Variants in GRIN3A observed in about 807,000 individuals in gnomAD.
The protein encoded by GRIN3A is glutamate receptor ionotropic, NMDA 3A.
A neutral mutation model predicts 92.4 loss-of-function variants in GRIN3A; 47 were observed. That is an observed-to-expected ratio of 0.51 (90% CI 0.40 to 0.65). GRIN3A has a LOEUF of 0.65. Ranked by LOEUF, GRIN3A falls within the 30% of genes least tolerant of loss-of-function variation. GRIN3A has a pLI of 0.00. For synonymous variants in GRIN3A, 527 were observed against 540.6 expected (o/e 0.97, Z 0.35); for missense variants, 1,324 against 1,393.1 (o/e 0.95, Z 0.79).
chr9:101,686,393 A>T (rs1224620585), intron 2 of GRIN3A, among the ~76,000 whole-genome samples: 5 of 152,212 alleles, frequency 3.3e-5, no homozygotes. Flanking sequence ...CTCCCACTAT[A>T]CCATGTACTT....
chr9:101,737,817 A>T lies in GRIN3A; in HGVS notation c.163T>A (p.Leu55Met). Residue 55 changes from leucine to methionine, a missense_variant, in exon 1 of 9, where the codon TTG (leucine) becomes ATG (methionine). By Grantham distance (15) the Leu-to-Met change is conservative (BLOSUM62 2). Coordinates refer to ENST00000361820, the MANE Select transcript of GRIN3A (RefSeq NM_133445.3). Reference protein sequence around the residue: ...GHAVRVGAVHLQPWTTAPRAA... With the variant: ...GHAVRVGAVHMQPWTTAPRAA... ...CGGGGGGCGGTGGTCCAGGGCTGCA[A>T]GTGCACCGCGCCCACCCTCACCGCG... is the stretch of plus-strand genomic sequence containing the variant. 6.5e-7 allele frequency: 1 copy of T among 1,532,070 alleles called. No individual in the cohort carries two copies. The allele number at this position is 1,532,070 out of a possible 1,614,324, so 94.9% of individuals were successfully genotyped here. A position where few individuals can be genotyped will look rare whatever the true frequency, so the allele number is the denominator to read the frequency against.
intron 1 of GRIN3A, among the ~76,000 whole-genome samples, chr9:101,696,628 A>T (rs1486959319): frequency 2.0e-5 from 3 of 152,208 alleles, no homozygotes; most frequent in African/African-American, 7.2e-5. Context: ...ATTGTTACAG[A>T]CATTCACTGT....
intron 1 of GRIN3A, among the ~76,000 whole-genome samples, chr9:101,711,740 A>C (rs2119015619): frequency 6.6e-6 from 1 of 152,248 alleles, no homozygotes; most frequent in African/African-American, 2.4e-5. Context: ...ACTGGAGATA[A>C]TTGATAGCGA....
chr9:101,664,109 C>A lies in GRIN3A; in HGVS notation c.2352+5951G>T, dbSNP rs73658578. On this transcript the variant is annotated intron_variant, in intron 3 of 8. Coordinates refer to ENST00000361820, the MANE Select transcript of GRIN3A (RefSeq NM_133445.3). Reference sequence around the variant, plus strand: ...GAACATATGCCAATGGCTGAAATGTCCTGTGAGTGCCCAGATCCACTCCTT... The same window carrying A: ...GAACATATGCCAATGGCTGAAATGTACTGTGAGTGCCCAGATCCACTCCTT... Among the ~76,000 whole-genome samples, 681 of 151,950 alleles carry A rather than the reference C, an allele frequency of 4.5e-3. 3 individuals are homozygous for A. The highest frequency in any genetic ancestry group is 0.015 in the African/African-American group (624 of 41,498).
chr9:101,694,749 G>C (rs1465119147), intron 1 of GRIN3A, among the ~76,000 whole-genome samples: 2 of 152,160 alleles, frequency 1.3e-5, no homozygotes, highest in Admixed American at 1.3e-4. Flanking sequence ...CATGGCTACA[G>C]AAGATATTTA....
At chr9:101,629,590 G>A (rs1168178172) in intron 3 of GRIN3A, among the ~76,000 whole-genome samples, 1 of 152,126 alleles carries the variant, frequency 6.6e-6, no homozygotes, top group African/African-American at 2.4e-5. Context: ...CTTGCTCTAA[G>A]TTTAATGTAA....
intron 1 of GRIN3A, among the ~76,000 whole-genome samples, chr9:101,712,786 A>G (rs1017941313): frequency 2.0e-5 from 3 of 152,238 alleles, no homozygotes; most frequent in Non-Finnish European, 4.4e-5. Flanking sequence ...TCCATGTAAC[A>G]ATGATATAAC....
intron 1 of GRIN3A, among the ~76,000 whole-genome samples, chr9:101,688,610 A>AAACG (rs1289146896): frequency 6.6e-6 from 1 of 152,114 alleles, no homozygotes; most frequent in East Asian, 1.9e-4. Flanking sequence ...AGGGTAATGA[A>AAACG]AAATGGTCTT....
intron 3 of GRIN3A, among the ~76,000 whole-genome samples, chr9:101,652,581 G>A (rs1829027574): frequency 1.3e-5 from 2 of 151,888 alleles, no homozygotes; most frequent in South Asian, 2.1e-4. Flanking sequence ...GGAGTTGACT[G>A]CCAATGGGTT....
intron 1 of GRIN3A, among the ~76,000 whole-genome samples, chr9:101,732,144 G>A (rs997547979): frequency 1.3e-5 from 2 of 152,166 alleles, no homozygotes; most frequent in African/African-American, 2.4e-5. Flanking sequence ...CTAGGGCAAT[G>A]GGACTCAAAG....
intron 1 of GRIN3A, among the ~76,000 whole-genome samples, chr9:101,694,206 G>C (rs1178723865): frequency 6.6e-6 from 1 of 152,150 alleles, no homozygotes; most frequent in Non-Finnish European, 1.5e-5. Flanking sequence ...TTAGAAGAAA[G>C]TGTTGGCATG....
intron 3 of GRIN3A, among the ~76,000 whole-genome samples, chr9:101,658,596 T>TA (rs1829122709): frequency 6.6e-6 from 1 of 151,688 alleles, no homozygotes; most frequent in South Asian, 2.1e-4. Context: ...ATTTTCTGTT[T>TA]TTTGGCATTT....
chr9:101,592,393 C>G (rs1478111002), intron 6 of GRIN3A: 1 of 152,148 alleles, frequency 6.6e-6, no homozygotes, highest in African/African-American at 2.4e-5. Context: ...GAATTGTGCT[C>G]CAGGTGTGTT....
At chr9:101,669,493 C>T (rs1829287370) in intron 3 of GRIN3A, among the ~76,000 whole-genome samples, 1 of 151,986 alleles carries the variant, frequency 6.6e-6, no homozygotes, top group South Asian at 2.1e-4. Context: ...GCTCCCCTTA[C>T]TTTATAGGCC....
intron 4 of GRIN3A, among the ~76,000 whole-genome samples, chr9:101,626,476 C>T (rs148440597): frequency 2.0e-5 from 3 of 152,052 alleles, no homozygotes; most frequent in African/African-American, 7.2e-5. Flanking sequence ...ACTGTGGTTG[C>T]GGGAAGTGGT....
At chr9:101,596,129 A>T (rs538479450) in intron 6 of GRIN3A, among the ~76,000 whole-genome samples, 40 of 152,352 alleles carry the variant, frequency 2.6e-4, no homozygotes, top group African/African-American at 7.9e-4. Context: ...GCTTTAAAAA[A>T]TGTTGGCAAG....
chr9:101,569,384 C>T lies in GRIN3A; in HGVS notation c.*3790G>A. 1 of 152,152 alleles carries T rather than the reference C, an allele frequency of 6.6e-6. No individual in the cohort carries two copies. The highest frequency in any genetic ancestry group is 1.9e-4 in the East Asian group (1 of 5,190). 9.4% of individuals were successfully genotyped at this position (152,152 alleles called of 1,614,324 possible). A position where few individuals can be genotyped will look rare whatever the true frequency, so the allele number is the denominator to read the frequency against. ...TCTATCTGAACATTTATTCCACAGT[C>T]ATAGAAACTGAAGATGGAAAAGACC... On this transcript the variant is annotated 3_prime_UTR_variant, in exon 9 of 9. Coordinates refer to ENST00000361820, the MANE Select transcript of GRIN3A (RefSeq NM_133445.3).
intron 1 of GRIN3A, among the ~76,000 whole-genome samples, chr9:101,707,579 T>C (rs1161026861): frequency 2.0e-5 from 3 of 152,220 alleles, no homozygotes; most frequent in Non-Finnish European, 4.4e-5. Flanking sequence ...AGCTAAACTA[T>C]TTTTAATACA....
intron 3 of GRIN3A, among the ~76,000 whole-genome samples, chr9:101,666,939 G>A (rs771736870): frequency 2.0e-5 from 3 of 152,038 alleles, no homozygotes; most frequent in Non-Finnish European, 4.4e-5. Context: ...GCCTGCTGCT[G>A]AAGCAGCCAT....
Sources: allele counts gnomAD v4.1 joint callset (sites outside exome capture counted in the v4.1 genomes callset), GRCh38; gene constraint gnomAD v4.1.1; transcripts MANE v1.5; gene names NCBI Gene and HGNC (gene_info 2026-07-23, HGNC 2026-07-21).